ENTPD7: variants seen among roughly 807,000 people sequenced by gnomAD.
The protein encoded by ENTPD7 is NTPDase 7.
ENTPD7 carries 53 observed loss-of-function variants against 77.9 expected under a neutral mutation model. The observed-to-expected ratio is 0.68, with a 90% CI of 0.55 to 0.85. ENTPD7 has a LOEUF of 0.85. ENTPD7 is among the 40% of genes least tolerant of loss of function. ENTPD7 has a pLI of 0.00. For synonymous variants in ENTPD7, 248 were observed against 274.9 expected (o/e 0.90, Z 0.97); for missense variants, 636 against 743.7 (o/e 0.86, Z 1.68).
intron 5 of ENTPD7, among the ~76,000 whole-genome samples, chr10:99,683,610 A>G (rs898560794): frequency 1.3e-5 from 2 of 152,228 alleles, no homozygotes; most frequent in South Asian, 2.1e-4. Context: ...TAAATAAACA[A>G]TATTGAATTT....
chr10:99,709,865 C>G lies in ENTPD7; in HGVS notation c.*5182C>G. On this transcript the variant is annotated 3_prime_UTR_variant, in exon 13 of 13. Transcript: ENST00000370489. The stretch of plus-strand genomic sequence containing the variant: ...AGAGGGACGAGGAAGGAATAACACA[C>G]CAGTTGACCATTTTGTTTCTCTGAA... 1 of 985,386 alleles carries G rather than the reference C, an allele frequency of 1.0e-6. No homozygotes were observed. Among genetic ancestry groups the G allele is most frequent in the Non-Finnish European group, 1.2e-6 (1 of 829,882 alleles). The allele number at this position is 985,386 out of a possible 1,614,324, so 61.0% of individuals were successfully genotyped here.
Position 99,705,138 on chromosome 10 carries a change from G to T in ENTPD7, c.*455G>T. Reference sequence around the variant, plus strand: ...TCTGTAACAGAGATATCATTTATGTGGAGATCCACAACCTTTAACAGGGAT... The same window carrying T: ...TCTGTAACAGAGATATCATTTATGTTGAGATCCACAACCTTTAACAGGGAT... On this transcript the variant is annotated 3_prime_UTR_variant, in exon 13 of 13. Transcript: ENST00000370489. 1 of 166,808 alleles carries T rather than the reference G, an allele frequency of 6.0e-6. No individual in the cohort carries two copies. Among genetic ancestry groups the T allele is most frequent in the South Asian group, 1.5e-4 (1 of 6,536 alleles). The allele number at this position is 166,808 out of a possible 1,614,324, so 10.3% of individuals were successfully genotyped here.
At chr10:99,693,073 A>G (rs777293539) in intron 8 of ENTPD7, among the ~76,000 whole-genome samples, 1 of 152,152 alleles carries the variant, frequency 6.6e-6, no homozygotes, top group Non-Finnish European at 1.5e-5. Flanking sequence ...TGAGCGATTG[A>G]TTGTGGTAGT....
chr10:99,700,735 C>A, intron 10 of ENTPD7: 1 of 554,844 alleles, frequency 1.8e-6, no homozygotes, highest in Admixed American at 3.4e-5. Context: ...CTAACCTCAG[C>A]CCCTCTGAAG....
chr10:99,666,424 G>C (rs1194284037), intron 3 of ENTPD7, among the ~76,000 whole-genome samples: 2 of 152,146 alleles, frequency 1.3e-5, no homozygotes, highest in African/African-American at 4.8e-5. Context: ...GGCCAGGCTG[G>C]TCTCGAATCC....
chr10:99,689,224 C>T (rs2035850942), intron 7 of ENTPD7, among the ~76,000 whole-genome samples: 1 of 152,128 alleles, frequency 6.6e-6, no homozygotes, highest in Non-Finnish European at 1.5e-5. Flanking sequence ...CAATACGTAT[C>T]TAATACCCTA....
intron 2 of ENTPD7, among the ~76,000 whole-genome samples, 153 bp downstream of exon 2, chr10:99,660,117 GTAT>G (rs1309780151): frequency 1.3e-5 from 2 of 152,298 alleles, no homozygotes; most frequent in East Asian, 3.9e-4. Flanking sequence ...GATCAAAGTT[GTAT>G]TATTTCGAGG....
At chr10:99,666,692 G>A (rs941447393) in intron 3 of ENTPD7, among the ~76,000 whole-genome samples, 1 of 152,208 alleles carries the variant, frequency 6.6e-6, no homozygotes, top group African/African-American at 2.4e-5. Context: ...AAATGTCATA[G>A]CTTAGCCTAG....
chr10:99,684,608 G>C (rs2300980), intron 5 of ENTPD7, among the ~76,000 whole-genome samples: 64,988 of 152,044 alleles, frequency 0.43, 14,374 homozygotes, highest in Middle Eastern at 0.64. Flanking sequence ...TCACTTTGAA[G>C]TGCTAACAAC....
chr10:99,691,450 A>G lies in ENTPD7; in HGVS notation c.775A>G (p.Met259Val). 6.2e-7 allele frequency: 1 copy of G among 1,614,094 alleles called. No individual in the cohort carries two copies. The highest frequency in any genetic ancestry group is 1.1e-5 in the South Asian group (1 of 91,078). The change falls in exon 8 of 13, where the codon ATG (methionine) becomes GTG (valine). Residue 259 changes from methionine to valine, a missense_variant. Physicochemically the swap from Met to Val is conservative, Grantham distance 21. Around this residue, in one of 3 missense-constraint regions of ENTPD7, gnomAD observed 486 missense variants for 556.5 expected, o/e 0.87. Coordinates refer to ENST00000370489, the MANE Select transcript of ENTPD7 (RefSeq NM_020354.5). ...GAGAAGGACAGTAGGGATACTGGAT[A>G]TGGGAGGAGCCTCTCTCCAAATTGC... ...GRRRTVGILD[M>V]GGASLQIAYE...
rs780769547 is a variant in ENTPD7 at position 99,669,135 on chromosome 10, C to T, written c.191+7507C>T. On this transcript the variant is annotated intron_variant, in intron 3 of 12. Coordinates refer to ENST00000370489, the MANE Select transcript of ENTPD7 (RefSeq NM_020354.5). ...TCAAGCAATCCACCTGCCTTGGCCT[C>T]GCAAAGTGCTGGGATTACAGATGTG... 1.1e-4 allele frequency among the ~76,000 whole-genome samples: 17 copies of T among 150,696 alleles called. 1 individual carries two copies. The highest frequency in any genetic ancestry group is 4.2e-4 in the South Asian group (2 of 4,784).
intron 12 of ENTPD7, 75 bp downstream of exon 12, chr10:99,702,748 T>C: frequency 1.5e-6 from 1 of 660,794 alleles, no homozygotes. Flanking sequence ...GGTTTCTTTC[T>C]TTTTTTTTTT....
chr10:99,689,542 A>G (rs2035855023), intron 7 of ENTPD7, among the ~76,000 whole-genome samples: 1 of 152,126 alleles, frequency 6.6e-6, no homozygotes, highest in African/African-American at 2.4e-5. Flanking sequence ...TCAGATATAG[A>G]TGTTTGATTA....
At position 99,710,951 on chromosome 10, in the gene ENTPD7, G is replaced by A. The variant is rs1383520150; in HGVS notation, c.*6268G>A. ...AGAGAGACCTTTGAAAATATTAAGGGAAATCTATTTAATCCTATAGGTATG... is the reference window on the plus strand; with the variant it reads ...AGAGAGACCTTTGAAAATATTAAGGAAAATCTATTTAATCCTATAGGTATG... On this transcript the variant is annotated 3_prime_UTR_variant, in exon 13 of 13. Transcript: ENST00000370489. 1 of 985,160 alleles carries A rather than the reference G, an allele frequency of 1.0e-6. No homozygotes were observed. The highest frequency in any genetic ancestry group is 1.7e-5 in the African/African-American group (1 of 57,206). 61.0% of individuals were successfully genotyped at this position (985,160 alleles called of 1,614,324 possible). A position where few individuals can be genotyped will look rare whatever the true frequency, so the allele number is the denominator to read the frequency against.
chr10:99,685,789 C>A lies in ENTPD7; in HGVS notation c.549-3C>A. The A allele has an allele frequency of 1.9e-6, 3 of 1,611,428 alleles. No individual in the cohort carries two copies. Among genetic ancestry groups the A allele is most frequent in the Non-Finnish European group, 2.5e-6 (3 of 1,177,836 alleles). On this transcript the variant is annotated splice_polypyrimidine_tract_variant and splice_region_variant and intron_variant, in intron 5 of 12. Transcript: ENST00000370489. Reference sequence around the variant, plus strand: ...CTTTGGGATTTTTTGTTCTTTCTTGCAGGAAGCAGTTGGCTATCTTGGCTG... The same window carrying A: ...CTTTGGGATTTTTTGTTCTTTCTTGAAGGAAGCAGTTGGCTATCTTGGCTG...
At chr10:99,678,708 C>G (rs1281133594) in intron 3 of ENTPD7, among the ~76,000 whole-genome samples, 1 of 146,258 alleles carries the variant, frequency 6.8e-6, no homozygotes, top group African/African-American at 2.5e-5. Context: ...ATTTGGGAGG[C>G]AGAGGTTGCA....
At chr10:99,669,901 C>CA (rs1280350952) in intron 3 of ENTPD7, among the ~76,000 whole-genome samples, 6 of 151,868 alleles carry the variant, frequency 4.0e-5, no homozygotes, top group Non-Finnish European at 7.4e-5. Flanking sequence ...AGGCACCCGC[C>CA]ACCAGGCCCA....
rs2036271943 is a variant in ENTPD7, at chr10:99,707,279, T to C, written c.*2596T>C. Reference sequence around the variant, plus strand: ...AGTTCCACAGTACTGAAGGAAAATTTTGTCATATCCCTCAGAAGAACTGAA... The same window carrying C: ...AGTTCCACAGTACTGAAGGAAAATTCTGTCATATCCCTCAGAAGAACTGAA... On this transcript the variant is annotated 3_prime_UTR_variant, in exon 13 of 13. Transcript: ENST00000370489. Among the ~76,000 whole-genome samples, 1 of 152,186 alleles carries C rather than the reference T, an allele frequency of 6.6e-6. No individual in the cohort carries two copies. The highest frequency in any genetic ancestry group is 1.5e-5 in the Non-Finnish European group (1 of 68,020).
At position 99,704,920 on chromosome 10, in the gene ENTPD7, C is replaced by G. The variant is rs1369708972; in HGVS notation, c.*237C>G. 6 of 537,610 alleles carry G rather than the reference C, an allele frequency of 1.1e-5. No homozygotes were observed. Among genetic ancestry groups the G allele is most frequent in the South Asian group, 6.6e-5 (3 of 45,324 alleles). The allele number at this position is 537,610 out of a possible 1,614,324, so 33.3% of individuals were successfully genotyped here. A position where few individuals can be genotyped will look rare whatever the true frequency, so the allele number is the denominator to read the frequency against. ...GGAGATTGGTGCTAATACGGGGGACCAAGCTTTGTCCAAGTGAAGCAGGCT... is the reference window on the plus strand; with the variant it reads ...GGAGATTGGTGCTAATACGGGGGACGAAGCTTTGTCCAAGTGAAGCAGGCT... On this transcript the variant is annotated 3_prime_UTR_variant, in exon 13 of 13. Coordinates refer to ENST00000370489, the MANE Select transcript of ENTPD7 (RefSeq NM_020354.5).
Sources: gnomAD v4.1 joint callset for allele counts (sites outside exome capture counted in the v4.1 genomes callset) on GRCh38, gnomAD v4.1.1 for gene constraint, gnomAD v4.1.1 regional missense constraint, MANE v1.5 for transcripts, NCBI Gene and HGNC (gene_info 2026-07-23, HGNC 2026-07-21) for gene names.